ADGRB3: variants seen among roughly 807,000 people sequenced by gnomAD.
ADGRB3 encodes adhesion G protein-coupled receptor B3, also known as brain-specific angiogenesis inhibitor 3.
ADGRB3 carries 37 observed loss-of-function variants against 193.4 expected under a neutral mutation model. That is an observed-to-expected ratio of 0.19 (90% CI 0.15 to 0.25). ADGRB3 has a LOEUF of 0.25. Among genes scored for constraint, ADGRB3 ranks in the 10% least tolerant of loss-of-function variants. The pLI, the probability that ADGRB3 is intolerant of heterozygous loss-of-function variation, is 1.00. For missense variants in ADGRB3, 1,637 were observed against 1,852.9 expected, an observed-to-expected ratio of 0.88 and a Z score of 2.14; for synonymous variants, 690 against 644.2, an observed-to-expected ratio of 1.07 and a Z score of -1.08.
intron 23 of ADGRB3, chr6:69,331,903 G>T: frequency 3.0e-6 from 3 of 985,212 alleles, no homozygotes; most frequent in South Asian, 9.4e-5. Context: ...TGATTAAGTG[G>T]TATCTTGTCA....
intron 3 of ADGRB3, among the ~76,000 whole-genome samples, chr6:68,815,638 T>TGTGTGTGTGTGTGTGTGG (rs146536913): frequency 6.7e-6 from 1 of 149,408 alleles, no homozygotes; most frequent in Non-Finnish European, 1.5e-5. Context: ...TGTGTGTGTG[T>TGTGTGTGTGTGTGTGTGG]GTGCATGTAG....
At chr6:69,173,160 C>T (rs563854097) in intron 17 of ADGRB3, among the ~76,000 whole-genome samples, 1 of 152,222 alleles carries the variant, frequency 6.6e-6, no homozygotes, top group African/African-American at 2.4e-5. Context: ...GCCTCAGCCT[C>T]CCAAGTAGCT....
rs190647364 is a variant in ADGRB3 at position 68,940,460 on chromosome 6, C to T, written c.1031-3370C>T. ...GCCAAATGTCACCTGGGGAACAAAA[C>T]TGCCACTGGCTGAGAGCCACTGGTG... On this transcript the variant is annotated intron_variant, in intron 5 of 31. Coordinates refer to ENST00000370598, the MANE Select transcript of ADGRB3 (RefSeq NM_001704.3). Among the ~76,000 whole-genome samples, 120 of 150,200 alleles carry T rather than the reference C, an allele frequency of 8.0e-4. No individual in the cohort carries two copies. In the East Asian group the frequency reaches 0.022, roughly 27 times the overall value.
chr6:69,072,238 A>G (rs1482954917), intron 16 of ADGRB3, among the ~76,000 whole-genome samples: 1 of 152,206 alleles, frequency 6.6e-6, no homozygotes, highest in African/African-American at 2.4e-5. Context: ...TATACATCCC[A>G]GAATGTGTAG....
chr6:69,166,986 T>G (rs1485187467), intron 17 of ADGRB3, among the ~76,000 whole-genome samples: 2 of 152,168 alleles, frequency 1.3e-5, no homozygotes, highest in Non-Finnish European at 2.9e-5. Context: ...TATGCAAATC[T>G]TAATCTGATG....
chr6:68,707,758 TAAG>T (rs1272552294), intron 3 of ADGRB3, among the ~76,000 whole-genome samples: 6 of 152,294 alleles, frequency 3.9e-5, no homozygotes, highest in African/African-American at 1.4e-4. Flanking sequence ...TAAGAACTGT[TAAG>T]AAATTAGTTA....
intron 3 of ADGRB3, among the ~76,000 whole-genome samples, chr6:68,676,872 A>T (rs1769105163): frequency 2.6e-5 from 4 of 152,216 alleles, no homozygotes; most frequent in Admixed American, 2.0e-4. Context: ...TCTTGAAAAA[A>T]ATAAGCTTTT....
intron 20 of ADGRB3, among the ~76,000 whole-genome samples, chr6:69,240,120 A>G (rs1208615280): frequency 1.3e-5 from 2 of 152,198 alleles, no homozygotes; most frequent in East Asian, 1.9e-4. Context: ...TTCATAGGAC[A>G]TGTATTAATG....
At chr6:68,963,862 A>G (rs1039691367) in intron 8 of ADGRB3, among the ~76,000 whole-genome samples, 4 of 152,166 alleles carry the variant, frequency 2.6e-5, no homozygotes, top group African/African-American at 9.6e-5. Flanking sequence ...ATATGATTAT[A>G]TCTGTTGAAA....
intron 3 of ADGRB3, among the ~76,000 whole-genome samples, chr6:68,725,077 A>G (rs1765649769): frequency 6.6e-6 from 1 of 151,634 alleles, no homozygotes; most frequent in Admixed American, 6.6e-5. Context: ...CAGATTAGAA[A>G]AGCATTGGTA....
chr6:69,254,561 G>A (rs904348144), intron 20 of ADGRB3, among the ~76,000 whole-genome samples: 28 of 151,724 alleles, frequency 1.8e-4, no homozygotes, highest in African/African-American at 6.8e-4. Flanking sequence ...TTTTTATACT[G>A]TCAAGAAAAA....
intron 3 of ADGRB3, among the ~76,000 whole-genome samples, chr6:68,739,148 AC>A (rs1478906468): frequency 6.6e-6 from 1 of 152,180 alleles, no homozygotes; most frequent in Non-Finnish European, 1.5e-5. Flanking sequence ...TACCAACAAT[AC>A]TTTACCTCTG....
intron 3 of ADGRB3, among the ~76,000 whole-genome samples, chr6:68,801,872 GC>G (rs1247218099): frequency 4.6e-5 from 7 of 152,076 alleles, no homozygotes; most frequent in Admixed American, 4.6e-4. Context: ...TGGCTGAACT[GC>G]AGAAATGGAC....
intron 5 of ADGRB3, among the ~76,000 whole-genome samples, chr6:68,943,545 A>G (rs1302456500): frequency 6.6e-6 from 1 of 152,172 alleles, no homozygotes; most frequent in African/African-American, 2.4e-5. Context: ...CTGTTTTACC[A>G]TAAGGGAGAG....
At chr6:68,996,040 T>C (rs984413322) in intron 11 of ADGRB3, among the ~76,000 whole-genome samples, 1 of 152,172 alleles carries the variant, frequency 6.6e-6, no homozygotes, top group Non-Finnish European at 1.5e-5. Flanking sequence ...GTTTTTGCCA[T>C]GTCCAAGGGC....
intron 17 of ADGRB3, among the ~76,000 whole-genome samples, chr6:69,099,318 A>C (rs2150320562): frequency 6.6e-6 from 1 of 152,324 alleles, no homozygotes; most frequent in African/African-American, 2.4e-5. Context: ...AGTCACATTG[A>C]CTAAGAGAGT....
At chr6:69,229,877 A>G (rs1037624564) in intron 17 of ADGRB3, among the ~76,000 whole-genome samples, 60 of 152,366 alleles carry the variant, frequency 3.9e-4, no homozygotes, top group African/African-American at 1.4e-3. Flanking sequence ...TCAAGTAAAT[A>G]TTAAGCTAGA....
At chr6:68,756,600 C>A (rs768263428) in intron 3 of ADGRB3, among the ~76,000 whole-genome samples, 5 of 151,536 alleles carry the variant, frequency 3.3e-5, no homozygotes, top group Non-Finnish European at 5.9e-5. Context: ...TATTCAATAC[C>A]AAAAAAAATG....
chr6:69,275,449 T>C (rs1235298297), intron 20 of ADGRB3, among the ~76,000 whole-genome samples: 1 of 152,170 alleles, frequency 6.6e-6, no homozygotes, highest in Non-Finnish European at 1.5e-5. Context: ...AGATTTTAAC[T>C]ACAGTTTTTA....
Sources: gnomAD v4.1 joint callset for allele counts (sites outside exome capture counted in the v4.1 genomes callset) on GRCh38, gnomAD v4.1.1 for gene constraint, MANE v1.5 for transcripts, NCBI Gene and HGNC (gene_info 2026-07-23, HGNC 2026-07-21) for gene names.